TNNC2: variants seen among roughly 807,000 people sequenced by gnomAD.
The protein encoded by TNNC2 is troponin C2, fast skeletal type.
A neutral mutation model predicts 20.0 loss-of-function variants in TNNC2; 14 were observed. The ratio of observed to expected loss-of-function variants is 0.70; its 90% CI spans 0.46 to 1.09. The LOEUF (loss-of-function observed/expected upper bound fraction) is 1.09, where lower values mean the gene tolerates loss of function less well. TNNC2 is among the 50% of genes least tolerant of loss of function. The pLI is 0.00. For synonymous variants in TNNC2, 81 were observed against 77.3 expected, an observed-to-expected ratio of 1.05 and a Z score of -0.25; for missense variants, 163 against 223.8, an observed-to-expected ratio of 0.73 and a Z score of 1.73.
In TNNC2 at chr20:45,824,520, G is replaced by A. The variant is rs1364660065; in HGVS notation, c.174C>T (p.Ala58=). 1.9e-6 allele frequency: 3 copies of A among 1,613,544 alleles called. No homozygotes were observed. Among genetic ancestry groups the A allele is most frequent in the Non-Finnish European group, 2.5e-6 (3 of 1,180,014 alleles). The change falls in exon 3 of 6, where the codon GCC becomes GCT. Residue 58 remains alanine, a synonymous_variant. Transcript: ENST00000372555. ...GQTPTKEELD[A]IIEEVDEDGS... ...CGTCCTCATCCACCTCCTCGATGAT[G>A]GCGTCCAGCTCCTCCTTGGTGGGTG...
At chr20:45,829,192 T>G (rs2145729147), upstream of TNNC2, among the ~76,000 whole-genome samples, 1 of 149,590 alleles carries the variant, frequency 6.7e-6, no homozygotes, top group Non-Finnish European at 1.5e-5. Context: ...GAGACAGAGT[T>G]TTGCTCTTGT....
chr20:45,827,259 G>A lies in TNNC2; in HGVS notation c.-11C>T, dbSNP rs761880667. The stretch of plus-strand genomic sequence containing the variant: ...TCTTGTCCTTACCATGGTTGCTGGT[G>A]ACCGGGACTCCTCTGTTGCAGGTCG... On this transcript the variant is annotated 5_prime_UTR_variant, in exon 1 of 6. Coordinates refer to ENST00000372555, the MANE Select transcript of TNNC2 (RefSeq NM_003279.3). 2 of 1,614,072 alleles carry A rather than the reference G, an allele frequency of 1.2e-6. No individual in the cohort carries two copies. Among genetic ancestry groups the A allele is most frequent in the South Asian group, 2.2e-5 (2 of 91,070 alleles).
At chr20:45,825,613 G>GTTTGT (rs1207293020) in intron 1 of TNNC2, among the ~76,000 whole-genome samples, 1 of 150,750 alleles carries the variant, frequency 6.6e-6, no homozygotes, top group Non-Finnish European at 1.5e-5. Context: ...TTTTTTGTTT[G>GTTTGT]TTTGTTTTGT....
chr20:45,832,978 C>T (rs1029266104), intron 2 of TNNC2, among the ~76,000 whole-genome samples: 1 of 152,126 alleles, frequency 6.6e-6, no homozygotes, highest in East Asian at 1.9e-4. Flanking sequence ...CCCATCTCTA[C>T]AAAAAATACA....
At position 45,823,918 on chromosome 20, in the gene TNNC2, C is replaced by T; in HGVS notation, c.451+73G>A. ...GCCCACAAGGCCAAGGACACTGCAC[C>T]GGAGCCAGGCACCAGTGCCCGCCGT... is the stretch of plus-strand genomic sequence containing the variant. On this transcript the variant is annotated intron_variant, in intron 5 of 5. Coordinates refer to ENST00000372555, the MANE Select transcript of TNNC2 (RefSeq NM_003279.3). The surrounding 1 kb of genome is among the most constrained non-coding windows in gnomAD (Gnocchi z 4.6). 1 of 1,601,910 alleles carries T rather than the reference C, an allele frequency of 6.2e-7. No homozygotes were observed. Among genetic ancestry groups the T allele is most frequent in the South Asian group, 1.1e-5 (1 of 89,478 alleles).
At chr20:45,833,186 AAGAGAG>A (rs766851638) in intron 2 of TNNC2, 1 of 151,800 alleles carries the variant, frequency 6.6e-6, no homozygotes, top group African/African-American at 2.4e-5. Context: ...GAAAGAAAGA[AAGAGAG>A]AGAGAGAAAG....
upstream of TNNC2, among the ~76,000 whole-genome samples, chr20:45,827,622 G>A (rs1983007889): frequency 6.6e-6 from 1 of 152,202 alleles, no homozygotes; most frequent in Non-Finnish European, 1.5e-5. Context: ...GTAGTAAAGG[G>A]TGAGGCAGCA....
upstream of TNNC2, among the ~76,000 whole-genome samples, chr20:45,831,052 G>A (rs810305): frequency 0.077 from 11,701 of 152,200 alleles, 1,348 homozygotes; most frequent in African/African-American, 0.24. Context: ...ACATTGGGAG[G>A]CAGAGGTAGG....
At chr20:45,830,124 G>A (rs903398965), upstream of TNNC2, among the ~76,000 whole-genome samples, 1 of 151,570 alleles carries the variant, frequency 6.6e-6, no homozygotes, top group Non-Finnish European at 1.5e-5. Flanking sequence ...CACGAGGTCA[G>A]GAGTTCGAGA....
intron 2 of TNNC2, 29 bp downstream of exon 2, chr20:45,824,754 C>A (rs1263114770): frequency 6.2e-7 from 1 of 1,612,160 alleles, no homozygotes; most frequent in Non-Finnish European, 8.5e-7. Context: ...TACATCCACC[C>A]AGCCCCCAGC....
upstream of TNNC2, among the ~76,000 whole-genome samples, chr20:45,828,343 G>A (rs1227071884): frequency 6.6e-6 from 1 of 152,042 alleles, no homozygotes; most frequent in East Asian, 1.9e-4. Flanking sequence ...CACCCATGTT[G>A]ATGATTCTTA....
Position 45,824,418 on chromosome 20 carries a change from AG to A in TNNC2, c.200-13del, listed in dbSNP as rs1173653062. The A allele has an allele frequency of 4.3e-6, 7 of 1,610,904 alleles. No homozygotes were observed. The Admixed American group carries it at 1.0e-4, about 23-fold the overall frequency. On this transcript the variant is annotated splice_polypyrimidine_tract_variant and intron_variant, in intron 3 of 5. Transcript: ENST00000372555. Reference sequence around the variant, plus strand: ...GATGGTGCCGCTGCCTGCGGGCAGCAGGTGGCAGACTGAGCCTGAGCCCAGC... The same window carrying A: ...GATGGTGCCGCTGCCTGCGGGCAGCAGTGGCAGACTGAGCCTGAGCCCAGC...
intron 1 of TNNC2, 55 bp downstream of exon 1, chr20:45,827,191 A>G (rs567231179): frequency 6.2e-7 from 1 of 1,612,640 alleles, no homozygotes; most frequent in Admixed American, 1.7e-5. Flanking sequence ...CCTGGCCTGA[A>G]AGGGGTCCAG....
chr20:45,824,254 G>T (rs368679455), intron 4 of TNNC2, 38 bp downstream of exon 4: 2 of 1,605,130 alleles, frequency 1.2e-6, no homozygotes, highest in African/African-American at 1.3e-5. Context: ...GGTTCTGACT[G>T]CTAAGCCCCT....
upstream of TNNC2, among the ~76,000 whole-genome samples, chr20:45,830,678 A>G (rs1344998537): frequency 6.6e-6 from 1 of 152,258 alleles, no homozygotes; most frequent in Non-Finnish European, 1.5e-5. Context: ...ATTCTACATA[A>G]GAATAACTGA....
rs1325422131 is a variant in TNNC2 at position 45,823,962 on chromosome 20, G to A, written c.451+29C>T. On this transcript the variant is annotated intron_variant, in intron 5 of 5. Coordinates refer to ENST00000372555, the MANE Select transcript of TNNC2 (RefSeq NM_003279.3). This position sits in a 1 kb window ranked among gnomAD's most constrained non-coding sequence, Gnocchi z 4.6. ...CCGCCGTCCTCTGGGGCTCCCACCC[G>A]CTCTTCCCAAGCTCCCGTTGGCCCT... 6.2e-7 allele frequency: 1 copy of A among 1,613,252 alleles called. No individual in the cohort carries two copies. The highest frequency in any genetic ancestry group is 1.1e-5 in the South Asian group (1 of 91,084).
chr20:45,825,946 A>G (rs1982957541), intron 1 of TNNC2, among the ~76,000 whole-genome samples: 1 of 152,156 alleles, frequency 6.6e-6, no homozygotes, highest in African/African-American at 2.4e-5. Context: ...AGCAAAAGAG[A>G]GGAGACAACA....
At chr20:45,832,702 C>G (rs1350405886) in intron 2 of TNNC2, among the ~76,000 whole-genome samples, 1 of 152,208 alleles carries the variant, frequency 6.6e-6, no homozygotes, top group African/African-American at 2.4e-5. Context: ...GTATAACTAT[C>G]AAAATCTGCC....
chr20:45,827,182 C>T, intron 1 of TNNC2, 64 bp downstream of exon 1: 1 of 1,611,270 alleles, frequency 6.2e-7, no homozygotes, highest in South Asian at 1.1e-5. Context: ...GCACCCAGGC[C>T]TGGCCTGAAA....
Sources: gnomAD v4.1 joint callset for allele counts (sites outside exome capture counted in the v4.1 genomes callset) on GRCh38, gnomAD v4.1.1 for gene constraint, Gnocchi (gnomAD v3.1) non-coding constraint, MANE v1.5 for transcripts, NCBI Gene and HGNC (gene_info 2026-07-23, HGNC 2026-07-21) for gene names.